Variants in CAMTA1 observed in about 807,000 individuals in gnomAD.
CAMTA1 encodes the protein calmodulin-binding transcription activator 1.
Under a neutral mutation model 170.9 loss-of-function variants are expected in CAMTA1, and 27 were observed. The ratio of observed to expected loss-of-function variants is 0.16; its 90% CI spans 0.12 to 0.22. The LOEUF is 0.22. CAMTA1 is among the 10% of genes least tolerant of loss of function. The pLI, the probability that CAMTA1 is intolerant of heterozygous loss-of-function variation, is 1.00. For missense variants in CAMTA1, 1,619 were observed against 2,217.2 expected (o/e 0.73, Z 5.42); for synonymous variants, 833 against 891.5 (o/e 0.93, Z 1.17).
chr1:7,577,944 T>A (rs2095217343), intron 6 of CAMTA1, among the ~76,000 whole-genome samples: 1 of 152,174 alleles, frequency 6.6e-6, no homozygotes, highest in Admixed American at 6.5e-5. Flanking sequence ...AAGGTCACCG[T>A]TATTTGCTGC....
At chr1:6,816,602 G>T (rs1645844434) in intron 1 of CAMTA1, among the ~76,000 whole-genome samples, 1 of 152,196 alleles carries the variant, frequency 6.6e-6, no homozygotes, top group Non-Finnish European at 1.5e-5. Context: ...TGCTTCTGAG[G>T]AAGGACTTGA....
At chr1:7,670,015 C>T (rs1418941316) in intron 9 of CAMTA1, among the ~76,000 whole-genome samples, 2 of 152,224 alleles carry the variant, frequency 1.3e-5, no homozygotes, top group African/African-American at 4.8e-5. Flanking sequence ...AACGGGGAGT[C>T]AGGGAGTACC....
At chr1:7,075,869 G>T (rs930234243) in intron 3 of CAMTA1, among the ~76,000 whole-genome samples, 2 of 151,106 alleles carry the variant, frequency 1.3e-5, no homozygotes, top group Non-Finnish European at 2.9e-5. Flanking sequence ...CGTCATGTTG[G>T]CCAGGCTGGT....
chr1:7,696,414 T>A (rs928878661), intron 11 of CAMTA1, among the ~76,000 whole-genome samples: 4 of 151,886 alleles, frequency 2.6e-5, no homozygotes, highest in African/African-American at 9.7e-5. Flanking sequence ...CAGGCTGGTC[T>A]CGAACACCTG....
At chr1:6,976,325 G>A (rs748141069) in intron 3 of CAMTA1, among the ~76,000 whole-genome samples, 1 of 152,142 alleles carries the variant, frequency 6.6e-6, no homozygotes, top group Non-Finnish European at 1.5e-5. Flanking sequence ...GCAGGGAGAC[G>A]GATCTGGCAC....
Position 7,738,845 on chromosome 1 carries a change from TA to T in CAMTA1, c.4182+368del, listed in dbSNP as rs147570843. Among the ~76,000 whole-genome samples the T allele has an allele frequency of 0.1, 15,210 of 152,190 alleles. 947 individuals carry two copies. The highest frequency in any genetic ancestry group is 0.15 in the Admixed American group (2,260 of 15,274). Reference sequence around the variant, plus strand: ...TACTAGTTAGAATATAGTCAAGACCTAAAAATAGCTAGAACAGGAAGCCCGT... The same window carrying T: ...TACTAGTTAGAATATAGTCAAGACCTAAAATAGCTAGAACAGGAAGCCCGT... On this transcript the variant is annotated intron_variant, in intron 16 of 22. Coordinates refer to ENST00000303635, the MANE Select transcript of CAMTA1 (RefSeq NM_015215.4). This position sits in a 1 kb window ranked among gnomAD's most constrained non-coding sequence, Gnocchi z 4.9.
intron 3 of CAMTA1, among the ~76,000 whole-genome samples, chr1:6,936,704 G>C (rs1256992242): frequency 6.6e-6 from 1 of 152,180 alleles, no homozygotes; most frequent in African/African-American, 2.4e-5. Context: ...AAACCAGAGA[G>C]AGGGTGGGGC....
At chr1:7,500,529 C>T (rs923395594) in intron 6 of CAMTA1, among the ~76,000 whole-genome samples, 1 of 152,138 alleles carries the variant, frequency 6.6e-6, no homozygotes, top group Non-Finnish European at 1.5e-5. Flanking sequence ...GCTCAGGCTA[C>T]TGCGCCCACT....
At chr1:7,024,042 AAAAGAAAG>A (rs1553221696) in intron 3 of CAMTA1, among the ~76,000 whole-genome samples, 1 of 150,258 alleles carries the variant, frequency 6.7e-6, no homozygotes, top group Non-Finnish European at 1.5e-5. Flanking sequence ...AAAAAAAAAA[AAAAGAAAG>A]AAAGAAAGAA....
chr1:6,996,317 A>C (rs901807263), intron 3 of CAMTA1, among the ~76,000 whole-genome samples: 1 of 152,194 alleles, frequency 6.6e-6, no homozygotes, highest in Non-Finnish European at 1.5e-5. Flanking sequence ...CTGTTACGCT[A>C]TTCAGAATAA....
At chr1:7,136,855 G>A (rs1645573854) in intron 4 of CAMTA1, among the ~76,000 whole-genome samples, 1 of 152,172 alleles carries the variant, frequency 6.6e-6, no homozygotes, top group South Asian at 2.1e-4. Flanking sequence ...CTTAAGGCTG[G>A]AGCGCCCAGG....
At position 7,364,610 on chromosome 1, in the gene CAMTA1, G is replaced by A. The variant is rs150914038; in HGVS notation, c.439-103220G>A. On this transcript the variant is annotated intron_variant, in intron 5 of 22. Coordinates refer to ENST00000303635, the MANE Select transcript of CAMTA1 (RefSeq NM_015215.4). ...CTTCAACCTATGCTAGAAGGCAGGCGTGAAGGAGGCTGCAGCTGCAGATAT... is the reference window on the plus strand; with the variant it reads ...CTTCAACCTATGCTAGAAGGCAGGCATGAAGGAGGCTGCAGCTGCAGATAT... Among the ~76,000 whole-genome samples, 37 of 152,264 alleles carry A rather than the reference G, an allele frequency of 2.4e-4. No homozygotes were observed. The East Asian group carries it at 5.6e-3, about 23-fold the overall frequency.
At chr1:6,978,995 C>G (rs757176727) in intron 3 of CAMTA1, among the ~76,000 whole-genome samples, 2 of 152,190 alleles carry the variant, frequency 1.3e-5, no homozygotes, top group African/African-American at 2.4e-5. Flanking sequence ...GGAGCTCGCT[C>G]TCCCTTGCAC....
chr1:7,623,729 C>T (rs111878298), intron 6 of CAMTA1, among the ~76,000 whole-genome samples: 2 of 152,352 alleles, frequency 1.3e-5, no homozygotes, highest in African/African-American at 4.8e-5. Context: ...AACTCCTGAC[C>T]TCAGGTGTTC....
intron 5 of CAMTA1, among the ~76,000 whole-genome samples, chr1:7,390,001 AGCCTGGCCTGGT>A (rs35756703): frequency 0.032 from 4,811 of 152,190 alleles, 262 homozygotes; most frequent in African/African-American, 0.11. Flanking sequence ...TAACTTTTAC[AGCCTGGCCTGGT>A]GCCTGGCCTG....
intron 3 of CAMTA1, among the ~76,000 whole-genome samples, chr1:6,923,841 CCT>C (rs902483206): frequency 4.6e-5 from 7 of 152,182 alleles, no homozygotes; most frequent in Non-Finnish European, 1.0e-4. Flanking sequence ...AAGGTGATGT[CCT>C]CTCTCTGAAT....
intron 11 of CAMTA1, among the ~76,000 whole-genome samples, chr1:7,716,007 A>T (rs937911972): frequency 6.6e-6 from 1 of 152,198 alleles, no homozygotes; most frequent in East Asian, 1.9e-4. Flanking sequence ...AGAAGGGTCT[A>T]TGATGAATTA....
At chr1:7,596,544 C>T (rs867980048) in intron 6 of CAMTA1, among the ~76,000 whole-genome samples, 1 of 152,220 alleles carries the variant, frequency 6.6e-6, no homozygotes, top group Non-Finnish European at 1.5e-5. Context: ...CTGTGGCCTT[C>T]CCTCCACTCA....
Position 6,795,355 on chromosome 1 carries a change from G to GT in CAMTA1, c.45+9790dup, listed in dbSNP as rs35720197. Among the ~76,000 whole-genome samples the GT allele has an allele frequency of 3.2e-3, 477 of 149,236 alleles. 4 individuals carry two copies. Among genetic ancestry groups the GT allele is most frequent in the African/African-American group, 0.011 (433 of 40,516 alleles). On this transcript the variant is annotated intron_variant, in intron 1 of 22. Transcript: ENST00000303635. ...GGTGTGTGTCACCATGGCTGCTTAG[G>GT]TTTTTTTTTTCTCTTTTTCGTAGAG...
Sources: allele counts gnomAD v4.1 joint callset (sites outside exome capture counted in the v4.1 genomes callset), GRCh38; gene constraint gnomAD v4.1.1; non-coding constraint Gnocchi (gnomAD v3.1); transcripts MANE v1.5; gene names NCBI Gene and HGNC (gene_info 2026-07-23, HGNC 2026-07-21).